The following BARD1 variants were observed in gnomAD, a reference collection of about 807,000 sequenced individuals.
BARD1 encodes BRCA1-associated RING domain protein 1.
Under a neutral mutation model 77.0 loss-of-function variants are expected in BARD1, and 73 were observed. The observed-to-expected ratio is 0.95, with a 90% confidence interval of 0.79 to 1.15. The LOEUF is 1.15. Ranked by LOEUF, BARD1 falls within the 50% of genes most tolerant of loss-of-function variation. BARD1 has a pLI of 0.00. For synonymous variants in BARD1, 384 were observed against 338.0 expected (o/e 1.14, Z -1.49); for missense variants, 993 against 938.8 (o/e 1.06, Z -0.75).
chr2:214,765,747 T>C (rs1694166815), intron 6 of BARD1, among the ~76,000 whole-genome samples: 1 of 151,886 alleles, frequency 6.6e-6, no homozygotes, highest in Non-Finnish European at 1.5e-5. Context: ...AACACGCACG[T>C]GTGTACACAC....
intron 9 of BARD1, among the ~76,000 whole-genome samples, chr2:214,744,135 A>C (rs932582613): frequency 6.6e-6 from 1 of 152,178 alleles, no homozygotes; most frequent in Admixed American, 6.5e-5. Context: ...TTTCATTTTA[A>C]GTCCCAAGAG....
chr2:214,803,594 C>T (rs1696130853), intron 1 of BARD1, among the ~76,000 whole-genome samples: 3 of 152,166 alleles, frequency 2.0e-5, no homozygotes, highest in South Asian at 2.1e-4. Context: ...CCTTTGTTCA[C>T]GTGTTTGTCT....
At chr2:214,803,513 T>C (rs186526064) in intron 1 of BARD1, among the ~76,000 whole-genome samples, 1 of 152,340 alleles carries the variant, frequency 6.6e-6, no homozygotes, top group Non-Finnish European at 1.5e-5. Flanking sequence ...TTGTAAAGCA[T>C]TGAGATGTTT....
At chr2:214,789,073 T>A (rs955376711) in intron 3 of BARD1, among the ~76,000 whole-genome samples, 1 of 152,158 alleles carries the variant, frequency 6.6e-6, no homozygotes, top group South Asian at 2.1e-4. Flanking sequence ...GACAGAAGGT[T>A]ATAATTCAGT....
At chr2:214,779,936 G>C (rs1421955682) in intron 4 of BARD1, among the ~76,000 whole-genome samples, 1 of 152,186 alleles carries the variant, frequency 6.6e-6, no homozygotes, top group Non-Finnish European at 1.5e-5. Context: ...ACTGCCAAGT[G>C]TTCAGAAAAC....
intron 6 of BARD1, among the ~76,000 whole-genome samples, chr2:214,758,021 C>T (rs540230140): frequency 6.6e-6 from 1 of 152,086 alleles, no homozygotes; most frequent in African/African-American, 2.4e-5. Flanking sequence ...GAACTGTAAG[C>T]TATGGTCAGA....
At chr2:214,740,946 G>A (rs1692796481) in intron 9 of BARD1, among the ~76,000 whole-genome samples, 1 of 151,852 alleles carries the variant, frequency 6.6e-6, no homozygotes, top group Admixed American at 6.6e-5. Context: ...AATAAAAGTT[G>A]CATTTAATTT....
intron 3 of BARD1, 88 bp from the exon 4 acceptor site, chr2:214,781,597 T>C: frequency 2.0e-6 from 2 of 1,001,062 alleles, no homozygotes; most frequent in South Asian, 1.4e-5. Context: ...ACAGTTCCCC[T>C]AAAGTGTATC....
chr2:214,778,571 A>C (rs78786673), intron 4 of BARD1, among the ~76,000 whole-genome samples: 1 of 152,058 alleles, frequency 6.6e-6, no homozygotes, highest in Non-Finnish European at 1.5e-5. Context: ...TTTTATCCTG[A>C]CTTAATATTC....
At chr2:214,806,964 T>G (rs1390352274) in intron 1 of BARD1, among the ~76,000 whole-genome samples, 7 of 151,840 alleles carry the variant, frequency 4.6e-5, no homozygotes, top group African/African-American at 1.7e-4. Context: ...TTATCAAGAC[T>G]TTATCGACAG....
chr2:214,788,107 G>A lies in BARD1; in HGVS notation c.364+4190C>T, dbSNP rs138362990. On this transcript the variant is annotated intron_variant, in intron 3 of 10. Transcript: ENST00000260947. Reference sequence around the variant, plus strand: ...AGCATATATGAAACACTATGTAATCGTTACAGAAAGACGAGCATCTCTCTC... The same window carrying A: ...AGCATATATGAAACACTATGTAATCATTACAGAAAGACGAGCATCTCTCTC... Among the ~76,000 whole-genome samples the A allele has an allele frequency of 4.2e-3, 645 of 151,902 alleles. 8 individuals carry two copies. The highest frequency in any genetic ancestry group is 0.014 in the African/African-American group (570 of 41,474).
chr2:214,765,376 C>T (rs1694148578), intron 6 of BARD1, among the ~76,000 whole-genome samples: 1 of 152,150 alleles, frequency 6.6e-6, no homozygotes, highest in African/African-American at 2.4e-5. Context: ...GGTGTACAAA[C>T]CACAAGACAG....
At position 214,725,694 on chromosome 2, in the gene BARD1, G is replaced by A. The variant is rs1692055320; in HGVS notation, c.*2982C>T. On this transcript the variant is annotated 3_prime_UTR_variant, in exon 11 of 11. Coordinates refer to ENST00000260947, the MANE Select transcript of BARD1 (RefSeq NM_000465.4). ...CATTCAGTTTGATGTGCGTATCTTT[G>A]AAAAGGGTTGACTTATAAAGAAATA... is the stretch of plus-strand genomic sequence containing the variant. 3 of 219,610 alleles carry A rather than the reference G, an allele frequency of 1.4e-5. No homozygotes were observed. The highest frequency in any genetic ancestry group is 1.2e-4 in the Admixed American group (2 of 17,296). 13.6% of individuals were successfully genotyped at this position (219,610 alleles called of 1,614,324 possible). A position where few individuals can be genotyped will look rare whatever the true frequency, so the allele number is the denominator to read the frequency against.
chr2:214,745,984 C>T (rs1258132029), intron 7 of BARD1, 130 bp from the exon 8 acceptor site: 3 of 1,114,456 alleles, frequency 2.7e-6, no homozygotes, highest in Admixed American at 3.9e-5. Flanking sequence ...CAATTATTTC[C>T]ATTGAATCTA....
chr2:214,732,808 T>TA (rs1553612976), intron 9 of BARD1, among the ~76,000 whole-genome samples: 1 of 152,184 alleles, frequency 6.6e-6, no homozygotes, highest in Non-Finnish European at 1.5e-5. Flanking sequence ...CTTTATGGCA[T>TA]AATCGGTTTT....
In BARD1 at chr2:214,767,580, G is replaced by A. The variant is rs758895846; in HGVS notation, c.1470C>T (p.Thr490=). 22 of 1,613,858 alleles carry A rather than the reference G, an allele frequency of 1.4e-5. No homozygotes were observed. The highest frequency in any genetic ancestry group is 3.3e-5 in the Admixed American group (2 of 59,972). Residue 490 remains threonine, a synonymous_variant, in exon 6 of 11, where the codon ACC becomes ACT. Coordinates refer to ENST00000260947, the MANE Select transcript of BARD1 (RefSeq NM_000465.4). ...GAAGTGGTGAGTCATTTTGATACCC[G>A]GTGGTGTTCACCAATGCCTTATGCT... ...LLQHKALVNT[T]GYQNDSPLHD...
intron 7 of BARD1, among the ~76,000 whole-genome samples, chr2:214,750,904 T>C (rs2106032882): frequency 6.6e-6 from 1 of 152,020 alleles, no homozygotes; most frequent in South Asian, 2.1e-4. Flanking sequence ...CACTAAGTGC[T>C]AAATTAAGCA....
At chr2:214,731,983 A>C (rs1329534953) in intron 9 of BARD1, among the ~76,000 whole-genome samples, 3 of 152,242 alleles carry the variant, frequency 2.0e-5, no homozygotes, top group South Asian at 2.1e-4. Context: ...TCAGAGTTAC[A>C]CATAGTTTTG....
At chr2:214,771,213 C>G (rs1263690246) in intron 4 of BARD1, among the ~76,000 whole-genome samples, 1 of 152,114 alleles carries the variant, frequency 6.6e-6, no homozygotes, top group African/African-American at 2.4e-5. Flanking sequence ...AAATATCTAG[C>G]AGAGCATACT....
Sources: gnomAD v4.1 joint callset for allele counts (sites outside exome capture counted in the v4.1 genomes callset) on GRCh38, gnomAD v4.1.1 for gene constraint, MANE v1.5 for transcripts, NCBI Gene and HGNC (gene_info 2026-07-23, HGNC 2026-07-21) for gene names.